The following CSF3 variants were observed in gnomAD, a reference collection of about 807,000 sequenced individuals.
CSF3 encodes granulocyte colony-stimulating factor.
CSF3 carries 17 observed loss-of-function variants against 20.2 expected under a neutral mutation model. The ratio of observed to expected loss-of-function variants is 0.84; its 90% CI spans 0.58 to 1.26. The LOEUF (loss-of-function observed/expected upper bound fraction) is 1.26. CSF3 is among the 50% of genes most tolerant of loss of function. The pLI, the probability that CSF3 is intolerant of heterozygous loss-of-function variation, is 0.00. For missense variants in CSF3, 210 were observed against 256.0 expected (o/e 0.82, Z 1.23); for synonymous variants, 125 against 115.3 (o/e 1.08, Z -0.54).
In CSF3 at chr17:40,017,187, G is replaced by A. The variant is rs1472399972; in HGVS notation, c.*228G>A. 2.3e-6 allele frequency: 1 copy of A among 431,620 alleles called. No homozygotes were observed. 26.7% of individuals were successfully genotyped at this position (431,620 alleles called of 1,614,324 possible). ...ATACCAAGTATTTATTACTATGACTGCTCCCCAGCCCTGGCTCTGCAATGG... is the reference window on the plus strand; with the variant it reads ...ATACCAAGTATTTATTACTATGACTACTCCCCAGCCCTGGCTCTGCAATGG... On this transcript the variant is annotated 3_prime_UTR_variant, in exon 5 of 5. Transcript: ENST00000394149.
At position 40,015,491 on chromosome 17, in the gene CSF3, C is replaced by T. The variant is rs1981315744; in HGVS notation, c.17C>T (p.Thr6Ile). The change falls in exon 1 of 5, where the codon ACC (threonine) becomes ATC (isoleucine). Residue 6 changes from threonine to isoleucine, a missense_variant. By Grantham distance (89) the Thr-to-Ile change is moderately conservative (BLOSUM62 -1). Coordinates refer to ENST00000394149, the MANE Select transcript of CSF3 (RefSeq NM_172219.3). The part of the protein sequence containing the change: MAGPA[T>I]QSPMKLMALQ... ...CCCAGACCCATGGCTGGACCTGCCA[C>T]CCAGAGCCCCATGAAGCTGATGGGT... 3 of 1,551,450 alleles carry T rather than the reference C, an allele frequency of 1.9e-6. No individual in the cohort carries two copies. Among genetic ancestry groups the T allele is most frequent in the Non-Finnish European group, 2.6e-6 (3 of 1,146,992 alleles).
Position 40,016,292 on chromosome 17 carries a change from C to A in CSF3, c.255C>A (p.Gly85=), listed in dbSNP as rs1286959537. ...TGGTGCTGCTCGGACACTCTCTGGG[C>A]ATCCCCTGGGCTCCCCTGAGCAGCT... ...EELVLLGHSL[G]IPWAPLSSCP... Residue 85 remains glycine, a synonymous_variant, in exon 3 of 5, where the codon GGC becomes GGA. Transcript: ENST00000394149. 5.0e-6 allele frequency: 8 copies of A among 1,600,266 alleles called. No individual in the cohort carries two copies. Among genetic ancestry groups the A allele is most frequent in the South Asian group, 1.1e-5 (1 of 89,756 alleles).
At chr17:40,016,448 A>G (rs763335706) in intron 3 of CSF3, 37 bp from the exon 4 acceptor site, 7 of 1,611,530 alleles carry the variant, frequency 4.3e-6, no homozygotes, top group Middle Eastern at 1.7e-4. Flanking sequence ...GACGTATCTC[A>G]GGCAGCACCC....
Position 40,016,782 on chromosome 17 carries a change from CT to C in CSF3, c.451-10del, listed in dbSNP as rs746215629. 66 of 1,612,816 alleles carry C rather than the reference CT, an allele frequency of 4.1e-5. No individual in the cohort carries two copies. Among genetic ancestry groups the C allele is most frequent in the Middle Eastern group, 2.0e-4 (1 of 5,054 alleles). On this transcript the variant is annotated splice_polypyrimidine_tract_variant and intron_variant, in intron 4 of 4. Transcript: ENST00000394149. ...AGAAGGGCCCAACCACTGATCACAGCTTTCCCCCACAGATGGAAGAACTGGG... is the reference window on the plus strand; with the variant it reads ...AGAAGGGCCCAACCACTGATCACAGCTTCCCCCACAGATGGAAGAACTGGG...
In CSF3 at chr17:40,016,862, C is replaced by T; in HGVS notation, c.518C>T (p.Ala173Val). ...GGTGCCATGCCGGCCTTCGCCTCTGCTTTCCAGCGCCGGGCAGGAGGGGTC... is the reference window on the plus strand; with the variant it reads ...GGTGCCATGCCGGCCTTCGCCTCTGTTTTCCAGCGCCGGGCAGGAGGGGTC... ...TQGAMPAFAS[A>V]FQRRAGGVLV... The change falls in exon 5 of 5, where the codon GCT becomes GTT. Residue 173 changes from alanine to valine, a missense_variant. Coordinates refer to ENST00000394149, the MANE Select transcript of CSF3 (RefSeq NM_172219.3). 6.2e-7 allele frequency: 1 copy of T among 1,613,564 alleles called. No homozygotes were observed. Among genetic ancestry groups the T allele is most frequent in the Non-Finnish European group, 8.5e-7 (1 of 1,179,998 alleles).
At chr17:40,015,908 A>G in intron 2 of CSF3, 63 bp downstream of exon 2, 1 of 1,535,582 alleles carries the variant, frequency 6.5e-7, no homozygotes, top group Non-Finnish European at 8.8e-7. Context: ...AGGGGGATGG[A>G]ACTGCAGGGC....
Position 40,017,110 on chromosome 17 carries a change from T to G in CSF3, c.*151T>G. 1.4e-6 allele frequency: 1 copy of G among 725,270 alleles called. No homozygotes were observed. The highest frequency in any genetic ancestry group is 2.1e-6 in the Non-Finnish European group (1 of 474,994). The allele number at this position is 725,270 out of a possible 1,614,324, so 44.9% of individuals were successfully genotyped here. On this transcript the variant is annotated 3_prime_UTR_variant, in exon 5 of 5. Coordinates refer to ENST00000394149, the MANE Select transcript of CSF3 (RefSeq NM_172219.3). Reference sequence around the variant, plus strand: ...AGTTTCATTCTCCTGCCTGTAGCAGTGAGAAAAAGCTCCTGTCCTCCCATC... The same window carrying G: ...AGTTTCATTCTCCTGCCTGTAGCAGGGAGAAAAAGCTCCTGTCCTCCCATC...
chr17:40,016,440 C>A (rs745980343), intron 3 of CSF3, 45 bp from the exon 4 acceptor site: 2 of 1,609,746 alleles, frequency 1.2e-6, no homozygotes, highest in Non-Finnish European at 1.7e-6. Context: ...GGGGGCCTGA[C>A]GTATCTCAGG....
chr17:40,016,809 A>G lies in CSF3; in HGVS notation c.465A>G (p.Gly155=). ...TTIWQQMEEL[G]MAPALQPTQG... is the part of the protein sequence containing the mutation. ...TTCCCCCACAGATGGAAGAACTGGG[A>G]ATGGCCCCTGCCCTGCAGCCCACCC... Residue 155 remains glycine (G), a synonymous_variant, in exon 5 of 5, where the codon GGA becomes GGG. Transcript: ENST00000394149. The G allele has an allele frequency of 6.2e-7, 1 of 1,612,894 alleles. No homozygotes were observed. The highest frequency in any genetic ancestry group is 8.5e-7 in the Non-Finnish European group (1 of 1,180,010).
At chr17:40,016,000 C>T (rs530122999) in intron 2 of CSF3, 155 bp downstream of exon 2, 2 of 1,194,916 alleles carry the variant, frequency 1.7e-6, no homozygotes, top group African/African-American at 1.5e-5. Context: ...GGGAGGAGGA[C>T]CTTGGTGGGG....
Position 40,017,054 on chromosome 17 carries a change from C to A in CSF3, c.*95C>A. 1 of 1,239,068 alleles carries A rather than the reference C, an allele frequency of 8.1e-7. No homozygotes were observed. The highest frequency in any genetic ancestry group is 1.1e-6 in the Non-Finnish European group (1 of 923,158). 76.8% of individuals were successfully genotyped at this position (1,239,068 alleles called of 1,614,324 possible). A position where few individuals can be genotyped will look rare whatever the true frequency, so the allele number is the denominator to read the frequency against. On this transcript the variant is annotated 3_prime_UTR_variant, in exon 5 of 5. Coordinates refer to ENST00000394149, the MANE Select transcript of CSF3 (RefSeq NM_172219.3). ...AGACAGGGAAGAGCAGAACGGAGCC[C>A]CAGGCCTCTGTGTCCTTCCCTGCAT...
chr17:40,015,634 C>A (rs760466761), intron 1 of CSF3, 57 bp from the exon 2 acceptor site: 1 of 1,546,648 alleles, frequency 6.5e-7, no homozygotes, highest in Non-Finnish European at 8.7e-7. Context: ...CCAGTGTCCC[C>A]GAGAGGGCCT....
At chr17:40,015,572 G>T in intron 1 of CSF3, 58 bp downstream of exon 1, 3 of 1,549,502 alleles carry the variant, frequency 1.9e-6, no homozygotes, top group African/African-American at 1.4e-5. Flanking sequence ...AGGGAGGCTG[G>T]TGTGACAGAG....
At chr17:40,016,692 C>T in intron 4 of CSF3, 61 bp downstream of exon 4, 2 of 1,609,264 alleles carry the variant, frequency 1.2e-6, no homozygotes, top group Non-Finnish European at 1.7e-6. Flanking sequence ...CACAGCCAGG[C>T]CTGTGTATGG....
At chr17:40,016,430 G>T in intron 3 of CSF3, 55 bp from the exon 4 acceptor site, 5 of 1,608,334 alleles carry the variant, frequency 3.1e-6, no homozygotes, top group Non-Finnish European at 4.3e-6. Flanking sequence ...GTTCCAAGCT[G>T]GGGGCCTGAC....
In CSF3 at chr17:40,016,641, G is replaced by A. The variant is rs1302328800; in HGVS notation, c.450+10G>A. 10 of 1,613,822 alleles carry A rather than the reference G, an allele frequency of 6.2e-6. No homozygotes were observed. The highest frequency in any genetic ancestry group is 8.5e-6 in the Non-Finnish European group (10 of 1,179,974). On this transcript the variant is annotated intron_variant, in intron 4 of 4. Transcript: ENST00000394149. ...CACCATCTGGCAGCAGGTGAGCCTT[G>A]TTGGGCAGGGTGGCCAAGGTCGTGC... is the stretch of plus-strand genomic sequence containing the variant.
chr17:40,016,960 G>T lies in CSF3; in HGVS notation c.*1G>T. ...TCTACGCCACCTTGCCCAGCCCTGAGCCAAGCCCTCCCCATCCCATGTATT... is the reference window on the plus strand; with the variant it reads ...TCTACGCCACCTTGCCCAGCCCTGATCCAAGCCCTCCCCATCCCATGTATT... On this transcript the variant is annotated 3_prime_UTR_variant, in exon 5 of 5. Coordinates refer to ENST00000394149, the MANE Select transcript of CSF3 (RefSeq NM_172219.3). 1 of 1,566,184 alleles carries T rather than the reference G, an allele frequency of 6.4e-7. No individual in the cohort carries two copies. Among genetic ancestry groups the T allele is most frequent in the Non-Finnish European group, 8.6e-7 (1 of 1,156,976 alleles).
Position 40,016,604 on chromosome 17 carries a change from C to G in CSF3, c.423C>G (p.Ala141=). The G allele has an allele frequency of 6.2e-7, 1 of 1,614,160 alleles. No individual in the cohort carries two copies. The highest frequency in any genetic ancestry group is 8.5e-7 in the Non-Finnish European group (1 of 1,180,030). Residue 141 remains alanine, a synonymous_variant, in exon 4 of 5, where the codon GCC becomes GCG. Coordinates refer to ENST00000394149, the MANE Select transcript of CSF3 (RefSeq NM_172219.3). ...TGGACACACTGCAGCTGGACGTCGC[C>G]GACTTTGCCACCACCATCTGGCAGC... ...PTLDTLQLDV[A]DFATTIWQQM... is the part of the protein sequence containing the mutation.
At chr17:40,015,983 G>A in intron 2 of CSF3, 138 bp downstream of exon 2, 1 of 1,325,418 alleles carries the variant, frequency 7.5e-7, no homozygotes, top group Non-Finnish European at 1.0e-6. Flanking sequence ...GGCTGGGAAG[G>A]GACTTGGGGA....
Sources: allele counts gnomAD v4.1 joint callset, GRCh38; gene constraint gnomAD v4.1.1; transcripts MANE v1.5; gene names NCBI Gene and HGNC (gene_info 2026-07-23, HGNC 2026-07-21).